Variants in CAPN3 observed in about 807,000 individuals in gnomAD.
The protein encoded by CAPN3 is calpain 3, also known as calpain-3.
A neutral mutation model predicts 114.0 loss-of-function variants in CAPN3; 88 were observed. That is an observed-to-expected ratio of 0.77 (90% CI 0.65 to 0.92). The LOEUF (loss-of-function observed/expected upper bound fraction) is 0.92, where lower values mean the gene tolerates loss of function less well. CAPN3 is among the 40% of genes least tolerant of loss of function. The probability of loss-of-function intolerance (pLI) is 0.00; values close to 1 mark genes in which losing one functional copy is unlikely to be tolerated. For missense variants in CAPN3, 1,028 were observed against 1,069.0 expected (o/e 0.96, Z 0.53); for synonymous variants, 386 against 382.9 (o/e 1.01, Z -0.09).
intron 1 of CAPN3, among the ~76,000 whole-genome samples, chr15:42,371,274 CTATTA>C (rs1299308656): frequency 6.6e-6 from 1 of 152,022 alleles, no homozygotes; most frequent in African/African-American, 2.4e-5. Context: ...GGAGCAACTT[CTATTA>C]TATTCTACAA....
In CAPN3 at chr15:42,410,693, A is replaced by T. The variant is rs893190143; in HGVS notation, c.2263+27A>T. On this transcript the variant is annotated intron_variant, in intron 21 of 23. Transcript: ENST00000397163. ...TGCTGAGAAGGAAGGGGTGGCAGGG[A>T]TGTGGACCCGAGACGGTGGGAGCAG... is the stretch of plus-strand genomic sequence containing the variant. The T allele has an allele frequency of 2.5e-6, 4 of 1,592,730 alleles. No individual in the cohort carries two copies. The Admixed American group carries it at 6.7e-5, about 27-fold the overall frequency.
chr15:42,370,204 TG>T (rs2052908150), intron 1 of CAPN3, among the ~76,000 whole-genome samples: 1 of 152,126 alleles, frequency 6.6e-6, no homozygotes, highest in Non-Finnish European at 1.5e-5. Context: ...GGAAGCTTTC[TG>T]TCCATACCAG....
At chr15:42,394,180 C>G in intron 7 of CAPN3, 76 bp from the exon 8 acceptor site, 1 of 1,370,802 alleles carries the variant, frequency 7.3e-7, no homozygotes, top group Non-Finnish European at 1.0e-6. Flanking sequence ...CCAGCCCCGT[C>G]CCAGCCCTCA....
Position 42,359,933 on chromosome 15 carries a change from A to G in CAPN3, c.128A>G (p.Tyr43Cys). 1 of 1,614,228 alleles carries G rather than the reference A, an allele frequency of 6.2e-7. No homozygotes were observed. Among genetic ancestry groups the G allele is most frequent in the South Asian group, 1.1e-5 (1 of 91,086 alleles). ...GGGGGTGGAAACCCAAGTGGCATCTATTCAGCCATCATCAGCCGCAATTTT... is the reference window on the plus strand; with the variant it reads ...GGGGGTGGAAACCCAAGTGGCATCTGTTCAGCCATCATCAGCCGCAATTTT... ...EAGGGNPSGI[Y>C]SAIISRNFPI... Residue 43 changes from tyrosine to cysteine, a missense_variant, in exon 1 of 24, where the codon TAT (tyrosine) becomes TGT (cysteine). Transcript: ENST00000397163.
At position 42,359,864 on chromosome 15, in the gene CAPN3, CA is replaced by C. The variant is rs1566965857; in HGVS notation, c.60del (p.Pro22GlnfsTer35). 1 of 1,614,206 alleles carries C rather than the reference CA, an allele frequency of 6.2e-7. No homozygotes were observed. The highest frequency in any genetic ancestry group is 1.7e-5 in the Admixed American group (1 of 60,028). The stretch of plus-strand genomic sequence containing the variant: ...AGGACAGCGGCTGAGCCCCGGTCCC[CA>C]GGGCCAGTTCCTCACCCGGCCCAGA... ...APRTAAEPRS[P>X]GPVPHPAQSK... On this transcript the variant is annotated frameshift_variant, in exon 1 of 24. Coordinates refer to ENST00000397163, the MANE Select transcript of CAPN3 (RefSeq NM_000070.3). LOFTEE classifies it high-confidence loss of function.
In CAPN3 at chr15:42,359,650, G is replaced by C; in HGVS notation, c.-156G>C. On this transcript the variant is annotated 5_prime_UTR_variant, in exon 1 of 24. Coordinates refer to ENST00000397163, the MANE Select transcript of CAPN3 (RefSeq NM_000070.3). The stretch of plus-strand genomic sequence containing the variant: ...TTTTTAAGATGGACATAACCTGTAC[G>C]ACCTTCTGATGGGCTTTCAACTTTG... 6.7e-7 allele frequency: 1 copy of C among 1,491,890 alleles called. No homozygotes were observed. Among genetic ancestry groups the C allele is most frequent in the Non-Finnish European group, 8.9e-7 (1 of 1,126,798 alleles). The allele number at this position is 1,491,890 out of a possible 1,614,324, so 92.4% of individuals were successfully genotyped here. A position where few individuals can be genotyped will look rare whatever the true frequency, so the allele number is the denominator to read the frequency against.
chr15:42,406,940 GTCTA>G (rs2054041196), intron 15 of CAPN3, among the ~76,000 whole-genome samples: 1 of 152,132 alleles, frequency 6.6e-6, no homozygotes, highest in African/African-American at 2.4e-5. Flanking sequence ...GTTTCCACGG[GTCTA>G]TCTGCTTGAG....
At chr15:42,365,340 CACCTCCAGCTTA>C (rs1407838252) in intron 1 of CAPN3, among the ~76,000 whole-genome samples, 1 of 152,256 alleles carries the variant, frequency 6.6e-6, no homozygotes, top group Admixed American at 6.5e-5. Flanking sequence ...GATATACAGC[CACCTCCAGCTTA>C]ACCTCCAGCT....
intron 9 of CAPN3, 104 bp from the exon 10 acceptor site, chr15:42,399,388 C>A (rs2053799789): frequency 7.5e-6 from 7 of 935,896 alleles, no homozygotes; most frequent in Non-Finnish European, 1.2e-5. Context: ...GACCAAGTTC[C>A]TGTGAACTAT....
At chr15:42,402,623 A>G (rs1321219302) in intron 12 of CAPN3, 171 bp from the exon 13 acceptor site, 1 of 1,524,458 alleles carries the variant, frequency 6.6e-7, no homozygotes, top group African/African-American at 1.4e-5. Context: ...CAGAAAAGGA[A>G]GAGGAAGTGA....
chr15:42,363,235 C>CA (rs2052691901), intron 1 of CAPN3, among the ~76,000 whole-genome samples: 1 of 152,196 alleles, frequency 6.6e-6, no homozygotes, highest in Non-Finnish European at 1.5e-5. Flanking sequence ...GGCAAACAAT[C>CA]TGGTTCCTCT....
chr15:42,401,480 C>G (rs528461921), intron 10 of CAPN3, among the ~76,000 whole-genome samples, 161 bp from the exon 11 acceptor site: 11 of 130,056 alleles, frequency 8.5e-5, no homozygotes, highest in Middle Eastern at 3.8e-3. Context: ...AGCGCCCCCC[C>G]CCCCCCCAAA....
At chr15:42,398,588 A>G (rs868786044) in intron 9 of CAPN3, among the ~76,000 whole-genome samples, 1 of 84,860 alleles carries the variant, frequency 1.2e-5, no homozygotes, top group African/African-American at 6.4e-5. Flanking sequence ...TGTCTCAAAA[A>G]ATACACACAC....
intron 10 of CAPN3, 34 bp downstream of exon 10, chr15:42,399,686 G>C: frequency 6.4e-7 from 1 of 1,556,048 alleles, no homozygotes; most frequent in African/African-American, 1.4e-5. Flanking sequence ...GAGGGTCTAA[G>C]CCGAAAAAGT....
chr15:42,401,470 A>AGC (rs1555422037), intron 10 of CAPN3, among the ~76,000 whole-genome samples, 171 bp from the exon 11 acceptor site: 1 of 94,210 alleles, frequency 1.1e-5, no homozygotes, highest in African/African-American at 5.1e-5. Flanking sequence ...GAATAAAGGT[A>AGC]GCGCCCCCCC....
intron 10 of CAPN3, 80 bp from the exon 11 acceptor site, chr15:42,401,561 T>G (rs2141199174): frequency 8.5e-7 from 1 of 1,174,216 alleles, no homozygotes. Flanking sequence ...GGAATAGAAA[T>G]AAATGGCTCC....
chr15:42,399,169 C>G (rs1439364747), intron 9 of CAPN3, among the ~76,000 whole-genome samples: 2 of 152,160 alleles, frequency 1.3e-5, no homozygotes, highest in East Asian at 3.9e-4. Flanking sequence ...TCCTTCCCTT[C>G]CCAGCCTCTG....
At chr15:42,381,901 G>C (rs1190348730) in intron 1 of CAPN3, among the ~76,000 whole-genome samples, 1 of 152,134 alleles carries the variant, frequency 6.6e-6, no homozygotes, top group Non-Finnish European at 1.5e-5. Context: ...CCTTATGTTA[G>C]TGTCCTTCTA....
chr15:42,378,250 CG>C (rs923050259), intron 1 of CAPN3, among the ~76,000 whole-genome samples: 3 of 152,250 alleles, frequency 2.0e-5, no homozygotes, highest in Non-Finnish European at 4.4e-5. Flanking sequence ...GCCCCCACCC[CG>C]GGGGGAGCTA....
Sources: allele counts gnomAD v4.1 joint callset (sites outside exome capture counted in the v4.1 genomes callset), GRCh38; gene constraint gnomAD v4.1.1; transcripts MANE v1.5; gene names NCBI Gene and HGNC (gene_info 2026-07-23, HGNC 2026-07-21).